Variants in TSHZ1 observed in about 807,000 individuals in gnomAD.
The protein encoded by TSHZ1 is teashirt homolog 1.
TSHZ1 carries 12 observed loss-of-function variants against 67.1 expected under a neutral mutation model. The observed-to-expected ratio is 0.18, with a 90% CI of 0.11 to 0.29. TSHZ1 has a LOEUF of 0.29. Among genes scored for constraint, TSHZ1 ranks in the 10% least tolerant of loss-of-function variants. The probability of loss-of-function intolerance (pLI) is 1.00; values close to 1 mark genes in which losing one functional copy is unlikely to be tolerated. For missense variants in TSHZ1, 1,305 were observed against 1,413.9 expected, an observed-to-expected ratio of 0.92 and a Z score of 1.23; for synonymous variants, 632 against 622.4, an observed-to-expected ratio of 1.02 and a Z score of -0.23.
At chr18:75,262,331 A>G (rs1013035794) in intron 1 of TSHZ1, among the ~76,000 whole-genome samples, 1 of 152,244 alleles carries the variant, frequency 6.6e-6, no homozygotes. Context: ...ACTGTGTTGT[A>G]CTACATGACA....
chr18:75,218,449 C>T (rs994355497), intron 1 of TSHZ1, among the ~76,000 whole-genome samples: 2 of 152,224 alleles, frequency 1.3e-5, no homozygotes, highest in African/African-American at 4.8e-5. Context: ...AACAGCTCCT[C>T]CTGTACAGTT....
At chr18:75,259,286 G>T (rs1260927378) in intron 1 of TSHZ1, among the ~76,000 whole-genome samples, 1 of 152,164 alleles carries the variant, frequency 6.6e-6, no homozygotes, top group African/African-American at 2.4e-5. Flanking sequence ...GGCCATTGCA[G>T]TAGCTGCCCC....
At chr18:75,257,247 C>T (rs576589221) in intron 1 of TSHZ1, among the ~76,000 whole-genome samples, 3 of 152,238 alleles carry the variant, frequency 2.0e-5, no homozygotes, top group South Asian at 2.1e-4. Context: ...CCTTGTTTTG[C>T]GGTAATTCAT....
intron 1 of TSHZ1, among the ~76,000 whole-genome samples, chr18:75,266,442 C>T (rs8098235): frequency 0.012 from 1,825 of 152,008 alleles, 34 homozygotes; most frequent in African/African-American, 0.04. Context: ...GCAGGAGATT[C>T]GAGGAGGGGT....
chr18:75,218,653 G>C (rs979970760), intron 1 of TSHZ1, among the ~76,000 whole-genome samples: 3 of 152,152 alleles, frequency 2.0e-5, no homozygotes, highest in African/African-American at 7.2e-5. Context: ...GGGCCGGGCT[G>C]GGGGGAGCCG....
At chr18:75,253,341 C>G (rs2023326214) in intron 1 of TSHZ1, among the ~76,000 whole-genome samples, 1 of 152,218 alleles carries the variant, frequency 6.6e-6, no homozygotes, top group Admixed American at 6.5e-5. Flanking sequence ...TCTCTTGTGG[C>G]TTTTCTATTT....
In TSHZ1 at chr18:75,281,043, G is replaced by T. The variant is rs2023678161; in HGVS notation, c.41-4405G>T. ...GGCTGGGCACAGAGGGCTGGGCACA[G>T]GCGGGGCAGCGGTGAGGGTCCAGAC... On this transcript the variant is annotated intron_variant, in intron 1 of 1. Transcript: ENST00000580243. This position sits in a 1 kb window ranked among gnomAD's most constrained non-coding sequence, Gnocchi z 5.3. Among the ~76,000 whole-genome samples the T allele has an allele frequency of 6.6e-6, 1 of 152,226 alleles. No homozygotes were observed. Among genetic ancestry groups the T allele is most frequent in the African/African-American group, 2.4e-5 (1 of 41,468 alleles).
chr18:75,225,619 A>G (rs974084665), intron 1 of TSHZ1, among the ~76,000 whole-genome samples: 9 of 152,188 alleles, frequency 5.9e-5, no homozygotes, highest in Non-Finnish European at 1.3e-4. Flanking sequence ...GCCGACAATG[A>G]GACAGCTGAC....
At position 75,285,570 on chromosome 18, in the gene TSHZ1, G is replaced by C; in HGVS notation, c.163G>C (p.Glu55Gln). The C allele has an allele frequency of 6.3e-7, 1 of 1,595,392 alleles. No homozygotes were observed. The highest frequency in any genetic ancestry group is 8.6e-7 in the Non-Finnish European group (1 of 1,166,422). The change falls in exon 2 of 2, where the codon GAG (glutamate) becomes CAG (glutamine). Residue 55 changes from glutamate (E) to glutamine (Q), a missense_variant. Physicochemically the swap from Glu to Gln is conservative, Grantham distance 29. This residue lies in a region of TSHZ1 where 358 missense variants were observed against 375.6 expected (regional missense o/e 0.95). Transcript: ENST00000580243. ...GTGCAATGAAGAGACGGAGATCAAA[G>C]AGGCGCAGAGCTACCAGAACTCCCC... ...YMCNEETEIK[E>Q]AQSYQNSPVS...
chr18:75,286,170 T>C lies in TSHZ1; in HGVS notation c.763T>C (p.Tyr255His). Residue 255 changes from tyrosine to histidine, a missense_variant, in exon 2 of 2, where the codon TAC becomes CAC. Physicochemically the swap from Tyr to His is moderately conservative, Grantham distance 83 (BLOSUM62 2). Transcript: ENST00000580243. The surrounding 1 kb of genome is among the most constrained non-coding windows in gnomAD (Gnocchi z 5.1). The part of the protein sequence containing the change: ...KFRCKDCSAA[Y>H]DTLVELTVHM... ...CCGGTGCAAAGACTGCAGTGCCGCGTACGACACGCTGGTGGAACTGACGGT... is the reference window on the plus strand; with the variant it reads ...CCGGTGCAAAGACTGCAGTGCCGCGCACGACACGCTGGTGGAACTGACGGT... 6.2e-7 allele frequency: 1 copy of C among 1,613,950 alleles called. No homozygotes were observed. The highest frequency in any genetic ancestry group is 8.5e-7 in the Non-Finnish European group (1 of 1,179,990).
intron 1 of TSHZ1, among the ~76,000 whole-genome samples, chr18:75,246,470 A>G (rs1464923300): frequency 1.0e-5 from 1 of 97,190 alleles, no homozygotes; most frequent in Non-Finnish European, 2.2e-5. Flanking sequence ...GAGGTAGGTC[A>G]TATCCCTGTA....
intron 1 of TSHZ1, among the ~76,000 whole-genome samples, chr18:75,221,335 C>T (rs1444957944): frequency 6.6e-6 from 1 of 152,206 alleles, no homozygotes; most frequent in Non-Finnish European, 1.5e-5. Context: ...AGTGCATCTT[C>T]AGCAAGATCA....
At chr18:75,211,967 G>T in intron 1 of TSHZ1, 51 bp downstream of exon 1, 1 of 1,193,484 alleles carries the variant, frequency 8.4e-7, no homozygotes, top group Non-Finnish European at 1.0e-6. Flanking sequence ...GGAGGAGCAG[G>T]AGGAGGGGGC....
intron 1 of TSHZ1, 112 bp from the exon 2 acceptor site, chr18:75,285,336 T>A (rs1302936225): frequency 7.6e-7 from 1 of 1,323,828 alleles, no homozygotes; most frequent in African/African-American, 1.5e-5. Context: ...TAGCCTTGTG[T>A]CCTGGGGGCT....
At chr18:75,285,028 A>G (rs2023733185) in intron 1 of TSHZ1, 1 of 159,386 alleles carries the variant, frequency 6.3e-6, no homozygotes, top group Non-Finnish European at 1.4e-5. Context: ...TGCTCTAAAA[A>G]TTGATAACCA....
intron 1 of TSHZ1, among the ~76,000 whole-genome samples, chr18:75,225,362 C>A (rs975587805): frequency 1.3e-5 from 2 of 152,182 alleles, no homozygotes; most frequent in East Asian, 3.9e-4. Flanking sequence ...TGAGGCCTGG[C>A]GGTAGGTGAG....
At position 75,282,000 on chromosome 18, in the gene TSHZ1, C is replaced by T. The variant is rs942494128; in HGVS notation, c.41-3448C>T. Among the ~76,000 whole-genome samples the T allele has an allele frequency of 6.6e-6, 1 of 152,158 alleles. No homozygotes were observed. The highest frequency in any genetic ancestry group is 2.1e-4 in the South Asian group (1 of 4,834). On this transcript the variant is annotated intron_variant, in intron 1 of 1. Transcript: ENST00000580243. The surrounding 1 kb of genome is among the most constrained non-coding windows in gnomAD (Gnocchi z 5.3). ...CCCTAGGGCAGGGACTTTATGGACC[C>T]CCTCCTTCGACGTCCGCACTCCCTG... is the stretch of plus-strand genomic sequence containing the variant.
chr18:75,228,942 A>G (rs2022960290), intron 1 of TSHZ1, among the ~76,000 whole-genome samples: 1 of 152,274 alleles, frequency 6.6e-6, no homozygotes, highest in African/African-American at 2.4e-5. Flanking sequence ...GCTGGTAGCT[A>G]TTAGTGGCTT....
At chr18:75,224,486 T>G (rs938425477) in intron 1 of TSHZ1, among the ~76,000 whole-genome samples, 1 of 152,224 alleles carries the variant, frequency 6.6e-6, no homozygotes, top group Admixed American at 6.5e-5. Context: ...ATAAACATTC[T>G]GCACACTATC....
Sources: allele counts gnomAD v4.1 joint callset (sites outside exome capture counted in the v4.1 genomes callset), GRCh38; gene constraint gnomAD v4.1.1; regional missense constraint gnomAD v4.1.1; non-coding constraint Gnocchi (gnomAD v3.1); transcripts MANE v1.5; gene names NCBI Gene and HGNC (gene_info 2026-07-23, HGNC 2026-07-21).